The following DUSP14 variants were observed in gnomAD, a reference collection of about 807,000 sequenced individuals.
The protein encoded by DUSP14 is dual specificity protein phosphatase 14.
Under a neutral mutation model 13.2 loss-of-function variants are expected in DUSP14, and 5 were observed. The observed-to-expected ratio is 0.38, with a 90% confidence interval of 0.20 to 0.80. DUSP14 has a LOEUF of 0.80. Among genes scored for constraint, DUSP14 ranks in the 30% least tolerant of loss-of-function variants. The pLI, the probability that DUSP14 is intolerant of heterozygous loss-of-function variation, is 0.44. For synonymous variants in DUSP14, 91 were observed against 103.4 expected (o/e 0.88, Z 0.73); for missense variants, 185 against 264.0 (o/e 0.70, Z 2.07).
intron 1 of DUSP14, among the ~76,000 whole-genome samples, chr17:37,509,106 T>C (rs1421039475): frequency 1.1e-4 from 2 of 18,926 alleles, no homozygotes; most frequent in Non-Finnish European, 1.9e-4. Flanking sequence ...AAAAAACCCA[T>C]ATATATATAT....
chr17:37,502,720 A>T lies in DUSP14; in HGVS notation c.-180-7957A>T, dbSNP rs1042321437. 4.6e-5 allele frequency among the ~76,000 whole-genome samples: 7 copies of T among 152,086 alleles called. No homozygotes were observed. The East Asian group carries it at 1.3e-3, about 29-fold the overall frequency. On this transcript the variant is annotated intron_variant, in intron 1 of 2. Coordinates refer to ENST00000617516, the MANE Select transcript of DUSP14 (RefSeq NM_007026.4). ...CAGTTGGGATGTTAGCTAAACACCC[A>T]TGGCCTCTCCGTGTGGTAGCTCTGT...
At chr17:37,490,026 A>T (rs861197) in intron 1 of DUSP14, 68 bp downstream of exon 1, 87,355 of 124,028 alleles carry the variant, frequency 0.7, 31,597 homozygotes, top group East Asian at 0.97. Flanking sequence ...GGAGGGCGGG[A>T]CTTCGCGCTT....
intron 1 of DUSP14, among the ~76,000 whole-genome samples, chr17:37,502,912 C>T (rs1295419818): frequency 6.6e-6 from 1 of 152,144 alleles, no homozygotes; most frequent in Non-Finnish European, 1.5e-5. Flanking sequence ...GTTCTGTCGC[C>T]TAGGTTGGAG....
intron 1 of DUSP14, 136 bp downstream of exon 1, chr17:37,490,094 T>A (rs1475707523): frequency 1.3e-5 from 2 of 151,630 alleles, no homozygotes; most frequent in East Asian, 2.0e-4. Context: ...CTGGAAACTT[T>A]GTGCCGGCGC....
intron 1 of DUSP14, 166 bp from the exon 2 acceptor site, chr17:37,510,511 G>T (rs779460343): frequency 6.6e-6 from 1 of 152,246 alleles, no homozygotes; most frequent in African/African-American, 2.4e-5. Flanking sequence ...GATTTAGGCC[G>T]GTGTTTCTTA....
Position 37,512,341 on chromosome 17 carries a change from CAT to C in DUSP14, c.71_72del (p.Ile24ArgfsTer34). 6.2e-7 allele frequency: 1 copy of C among 1,614,008 alleles called. No homozygotes were observed. The highest frequency in any genetic ancestry group is 8.5e-7 in the Non-Finnish European group (1 of 1,179,964). On this transcript the variant is annotated frameshift_variant, in exon 3 of 3. Transcript: ENST00000617516. LOFTEE classifies it high-confidence loss of function. This position sits in a 1 kb window ranked among gnomAD's most constrained non-coding sequence, Gnocchi z 4.8. ...MAPRMISEGD[I>X]GGIAQITSSL... ...CCCCTCGGATGATTTCCGAGGGAGA[CAT>C]AGGAGGCATTGCTCAAATCACCTCC...
At chr17:37,501,187 T>C (rs1007671569) in intron 1 of DUSP14, among the ~76,000 whole-genome samples, 5 of 152,194 alleles carry the variant, frequency 3.3e-5, no homozygotes, top group African/African-American at 1.2e-4. Context: ...TTACGTGGCT[T>C]ATGTGGGACA....
chr17:37,500,693 G>T (rs1014644599), intron 1 of DUSP14, among the ~76,000 whole-genome samples: 6 of 152,178 alleles, frequency 3.9e-5, no homozygotes, highest in Non-Finnish European at 8.8e-5. Flanking sequence ...AGTCCTGGAA[G>T]ACTTTAAAAT....
At chr17:37,490,031 G>T (rs1319507414) in intron 1 of DUSP14, 73 bp downstream of exon 1, 28 of 148,168 alleles carry the variant, frequency 1.9e-4, no homozygotes, top group African/African-American at 6.9e-4. Context: ...GCGGGACTTC[G>T]CGCTTCGGGT....
intron 1 of DUSP14, among the ~76,000 whole-genome samples, chr17:37,498,676 G>GTCT (rs1555696511): frequency 6.9e-6 from 1 of 145,588 alleles, no homozygotes. Flanking sequence ...AAAGTAATCA[G>GTCT]TTTTTTTTTT....
At chr17:37,500,652 A>G (rs1213987012) in intron 1 of DUSP14, among the ~76,000 whole-genome samples, 1 of 152,232 alleles carries the variant, frequency 6.6e-6, no homozygotes, top group East Asian at 1.9e-4. Flanking sequence ...TTAACCAAGC[A>G]CATATGATTC....
intron 2 of DUSP14, among the ~76,000 whole-genome samples, chr17:37,511,097 C>A (rs149678371): frequency 1 from 151,614 of 152,230 alleles, 75,500 homozygotes; most frequent in Middle Eastern, 1. Context: ...AGCCAGTGGG[C>A]TTCATCGTGG....
chr17:37,497,107 C>T (rs2054070929), intron 1 of DUSP14, among the ~76,000 whole-genome samples: 1 of 151,708 alleles, frequency 6.6e-6, no homozygotes, highest in Non-Finnish European at 1.5e-5. Context: ...GAATTTGGTA[C>T]ATTTCCTTCC....
At chr17:37,499,320 ACTTT>A (rs1267578084) in intron 1 of DUSP14, among the ~76,000 whole-genome samples, 1 of 152,112 alleles carries the variant, frequency 6.6e-6, no homozygotes, top group East Asian at 1.9e-4. Context: ...CAGTTGGCAA[ACTTT>A]CTTTTTTTTA....
chr17:37,510,594 A>ATAGAGGT (rs1441869317), intron 1 of DUSP14, 83 bp from the exon 2 acceptor site: 1 of 152,142 alleles, frequency 6.6e-6, no homozygotes, highest in African/African-American at 2.4e-5. Flanking sequence ...TTTCAGTCAA[A>ATAGAGGT]CCTGAGGTCG....
intron 2 of DUSP14, among the ~76,000 whole-genome samples, chr17:37,511,246 T>A (rs2143129092): frequency 6.6e-6 from 1 of 152,266 alleles, no homozygotes; most frequent in African/African-American, 2.4e-5. Context: ...TGCTACTGTG[T>A]TTACATTGTC....
At chr17:37,504,055 G>T (rs539627726) in intron 1 of DUSP14, among the ~76,000 whole-genome samples, 1 of 152,194 alleles carries the variant, frequency 6.6e-6, no homozygotes, top group Non-Finnish European at 1.5e-5. Context: ...TTAGCCAGGT[G>T]TGGTGGTGTA....
chr17:37,497,244 G>A (rs2054072017), intron 1 of DUSP14, among the ~76,000 whole-genome samples: 1 of 152,018 alleles, frequency 6.6e-6, no homozygotes, highest in African/African-American at 2.4e-5. Context: ...CCAGGTTCAA[G>A]TGATTCTCTT....
At chr17:37,510,009 A>G (rs1568205108) in intron 1 of DUSP14, 1 of 152,248 alleles carries the variant, frequency 6.6e-6, no homozygotes, top group South Asian at 2.1e-4. Context: ...CATAACATAA[A>G]TGAATAAAAT....
Sources: gnomAD v4.1 joint callset for allele counts (sites outside exome capture counted in the v4.1 genomes callset) on GRCh38, gnomAD v4.1.1 for gene constraint, Gnocchi (gnomAD v3.1) non-coding constraint, MANE v1.5 for transcripts, NCBI Gene and HGNC (gene_info 2026-07-23, HGNC 2026-07-21) for gene names.